The following NOBOX variants were observed in gnomAD, a reference collection of about 807,000 sequenced individuals.
The protein encoded by NOBOX is homeobox protein NOBOX.
Under a neutral mutation model 60.2 loss-of-function variants are expected in NOBOX, and 46 were observed. The ratio of observed to expected loss-of-function variants is 0.76; its 90% CI spans 0.60 to 0.98. The LOEUF is 0.98. Ranked by LOEUF, NOBOX falls within the 50% of genes least tolerant of loss-of-function variation. The pLI, the probability that NOBOX is intolerant of heterozygous loss-of-function variation, is 0.00. For synonymous variants in NOBOX, 360 were observed against 346.3 expected, an observed-to-expected ratio of 1.04 and a Z score of -0.44; for missense variants, 880 against 865.5, an observed-to-expected ratio of 1.02 and a Z score of -0.21.
Position 144,404,694 on chromosome 7 carries a change from T to C in NOBOX, c.86-14A>G. 6.2e-7 allele frequency: 1 copy of C among 1,611,946 alleles called. No individual in the cohort carries two copies. Among genetic ancestry groups the C allele is most frequent in the East Asian group, 2.2e-5 (1 of 44,854 alleles). Reference sequence around the variant, plus strand: ...CCAGGGGCGGCCCTGCCAGGGACGGTGTGGTTACTGTGTTTCCATCCATTT... The same window carrying C: ...CCAGGGGCGGCCCTGCCAGGGACGGCGTGGTTACTGTGTTTCCATCCATTT... On this transcript the variant is annotated splice_polypyrimidine_tract_variant and intron_variant, in intron 1 of 9. Coordinates refer to ENST00000467773, the MANE Select transcript of NOBOX (RefSeq NM_001080413.3).
intron 7 of NOBOX, 85 bp from the exon 6 acceptor site, chr7:144,399,263 G>T: frequency 2.1e-6 from 2 of 938,252 alleles, no homozygotes; most frequent in Non-Finnish European, 3.3e-6. Context: ...CACAAGCCAT[G>T]CCCAGGTCCC....
At chr7:144,402,746 ACATT>A (rs1711683884) in intron 2 of NOBOX, among the ~76,000 whole-genome samples, 1 of 132,746 alleles carries the variant, frequency 7.5e-6, no homozygotes, top group African/African-American at 2.8e-5. Flanking sequence ...TTAAGGAATA[ACATT>A]TTTTTTTTTT....
At chr7:144,407,263 T>C (rs2053992039) in intron 1 of NOBOX, among the ~76,000 whole-genome samples, 1 of 152,198 alleles carries the variant, frequency 6.6e-6, no homozygotes, top group East Asian at 1.9e-4. Context: ...AGGCGGCTGA[T>C]TGAGAACATT....
rs1563126784 is a variant in NOBOX, at chr7:144,397,542, C to T, written c.1775-1G>A. ...CAGGGGTCACTCCAGGAGGCTGTACCTGTGGGGTCGGAGGGTGTAGGAATT... is the reference window on the plus strand; with the variant it reads ...CAGGGGTCACTCCAGGAGGCTGTACTTGTGGGGTCGGAGGGTGTAGGAATT... On this transcript the variant is annotated splice_acceptor_variant, in intron 9 of 9. Transcript: ENST00000467773. LOFTEE classifies it high-confidence loss of function. 6.6e-7 allele frequency: 1 copy of T among 1,518,342 alleles called. No homozygotes were observed. Among genetic ancestry groups the T allele is most frequent in the African/African-American group, 1.4e-5 (1 of 72,650 alleles). The allele number at this position is 1,518,342 out of a possible 1,614,324, so 94.1% of individuals were successfully genotyped here.
In NOBOX at chr7:144,398,376, CATAAAG is replaced by C; in HGVS notation, c.1674_1679del (p.Met560_Phe561del). ...TGCCCCCGCTGGGGCCACAGGGAAA[CATAAAG>C]AGAGAGTCTTCGGGCGGTGGAAGCG... On this transcript the variant is annotated inframe_deletion, in exon 9 of 10. Coordinates refer to ENST00000467773, the MANE Select transcript of NOBOX (RefSeq NM_001080413.3). The C allele has an allele frequency of 1.3e-6, 2 of 1,537,228 alleles. No individual in the cohort carries two copies. Among genetic ancestry groups the C allele is most frequent in the Non-Finnish European group, 1.7e-6 (2 of 1,146,922 alleles).
At chr7:144,397,108 AC>A, downstream of NOBOX, 1 of 740,294 alleles carries the variant, frequency 1.4e-6, no homozygotes, top group Admixed American at 3.0e-5. Context: ...ACGAGCCTAC[AC>A]AGGGGAAACG....
Position 144,401,281 on chromosome 7 carries a change from G to T in NOBOX, c.609C>A (p.Pro203=). 2 of 1,613,218 alleles carry T rather than the reference G, an allele frequency of 1.2e-6. No homozygotes were observed. Among genetic ancestry groups the T allele is most frequent in the Non-Finnish European group, 1.7e-6 (2 of 1,179,560 alleles). ...TGGCATTAGGCTTTTTCTGCTTCCC[G>T]GGGGCTGGAGAATAGGACCTCTTTC... Residue 203 remains proline (P), a synonymous_variant, in exon 4 of 10, where the codon CCC becomes CCA. Coordinates refer to ENST00000467773, the MANE Select transcript of NOBOX (RefSeq NM_001080413.3). The surrounding 1 kb of genome is among the most constrained non-coding windows in gnomAD (Gnocchi z 4.2).
intron 5 of NOBOX, 122 bp downstream of exon 3, chr7:144,400,084 G>A (rs762394586): frequency 3.0e-5 from 48 of 1,603,434 alleles, no homozygotes; most frequent in East Asian, 6.7e-5. Context: ...ACACAGCCAC[G>A]TCTGAGGCCT....
intron 8 of NOBOX, 33 bp from the exon 7 acceptor site, chr7:144,398,619 A>C: frequency 6.8e-7 from 1 of 1,468,002 alleles, no homozygotes; most frequent in Non-Finnish European, 9.2e-7. Context: ...GGTGAGGTGC[A>C]GGGGTGGGGG....
At position 144,401,593 on chromosome 7, in the gene NOBOX, C is replaced by A; in HGVS notation, c.297G>T (p.Gln99His). The change falls in exon 4 of 10, where the codon CAG (glutamine) becomes CAT (histidine). Residue 99 changes from glutamine to histidine, a missense_variant. Physicochemically the swap from Gln to His is conservative, Grantham distance 24 (BLOSUM62 0). Coordinates refer to ENST00000467773, the MANE Select transcript of NOBOX (RefSeq NM_001080413.3). This position sits in a 1 kb window ranked among gnomAD's most constrained non-coding sequence, Gnocchi z 4.2. ...CAGCCAGGGGCTTCTCTCCAGCTTT[C>A]TGGCCTGTGGGGAGCCAACATCCAC... 1 of 1,504,258 alleles carries A rather than the reference C, an allele frequency of 6.6e-7. No homozygotes were observed. Among genetic ancestry groups the A allele is most frequent in the Non-Finnish European group, 8.8e-7 (1 of 1,134,474 alleles). 93.2% of individuals were successfully genotyped at this position (1,504,258 alleles called of 1,614,324 possible).
At chr7:144,402,791 C>T (rs568225981) in intron 2 of NOBOX, among the ~76,000 whole-genome samples, 11 of 127,616 alleles carry the variant, frequency 8.6e-5, no homozygotes, top group Admixed American at 1.9e-4. Context: ...GAGTCTCGCT[C>T]CGTCGCCCAG....
At position 144,400,304 on chromosome 7, in the gene NOBOX, C is replaced by G. The variant is rs555962521; in HGVS notation, c.853G>C (p.Glu285Gln). ...TCTTGGAATATCTTCTCTAGCTCCT[C>G]CAGCTGATCTGAAAGAAGAAGAAAC... The change falls in exon 5 of 10, where the codon GAG (glutamate) becomes CAG (glutamine). Residue 285 changes from glutamate (E) to glutamine (Q), a missense_variant. Glu to Gln is a conservative substitution (Grantham distance 29). Coordinates refer to ENST00000467773, the MANE Select transcript of NOBOX (RefSeq NM_001080413.3). 2.5e-6 allele frequency: 4 copies of G among 1,613,868 alleles called. No homozygotes were observed. The South Asian group carries it at 4.4e-5, about 18-fold the overall frequency.
At position 144,397,682 on chromosome 7, in the gene NOBOX, C is replaced by T. The variant is rs1304332907; in HGVS notation, c.1775-141G>A. On this transcript the variant is annotated intron_variant, in intron 9 of 9. Coordinates refer to ENST00000467773, the MANE Select transcript of NOBOX (RefSeq NM_001080413.3). The stretch of plus-strand genomic sequence containing the variant: ...CCTCAGTGTAAGTCTGGGTCAAACT[C>T]TAGCCTCAGGGTCTGTCCTTAGGAC... 6.9e-6 allele frequency: 5 copies of T among 726,834 alleles called. No individual in the cohort carries two copies. The African/African-American group carries it at 7.1e-5, about 10-fold the overall frequency. The allele number at this position is 726,834 out of a possible 1,614,324, so 45.0% of individuals were successfully genotyped here.
In NOBOX at chr7:144,404,585, T is replaced by G; in HGVS notation, c.181A>C (p.Ser61Arg). 1 of 1,613,702 alleles carries G rather than the reference T, an allele frequency of 6.2e-7. No homozygotes were observed. The highest frequency in any genetic ancestry group is 8.5e-7 in the Non-Finnish European group (1 of 1,179,866). The change falls in exon 2 of 10, where the codon AGC becomes CGC. Residue 61 changes from serine (S) to arginine (R), a missense_variant. Transcript: ENST00000467773. The stretch of plus-strand genomic sequence containing the variant: ...TTGAGGGTCTCCAGAGCACAAAGGC[T>G]GCACCGGATGATGAAGAAGGAGCTG...
At chr7:144,403,235 C>T (rs778578929) in intron 2 of NOBOX, among the ~76,000 whole-genome samples, 82 of 152,230 alleles carry the variant, frequency 5.4e-4, no homozygotes, top group Non-Finnish European at 2.4e-4. Flanking sequence ...TGTGGGGAAG[C>T]AGGGACAAAT....
At chr7:144,397,167 C>T (rs776223618), downstream of NOBOX, 99 of 1,351,780 alleles carry the variant, frequency 7.3e-5, no homozygotes, top group Non-Finnish European at 9.0e-5. Context: ...TCCCAAACCC[C>T]CAACCCCTGT....
In NOBOX at chr7:144,398,363, G is replaced by T; in HGVS notation, c.1693C>A (p.Pro565Thr). ...TAGCCCTGCGATGTGCCCCCGCTGG[G>T]GCCACAGGGAAACATAAAGAGAGAG... Residue 565 changes from proline (P) to threonine (T), a missense_variant, in exon 9 of 10, where the codon CCC becomes ACC. Physicochemically the swap from Pro to Thr is conservative, Grantham distance 38. Transcript: ENST00000467773. 2 of 1,537,248 alleles carry T rather than the reference G, an allele frequency of 1.3e-6. No individual in the cohort carries two copies. The highest frequency in any genetic ancestry group is 1.7e-6 in the Non-Finnish European group (2 of 1,146,902).
intron 2 of NOBOX, chr7:144,404,436 A>G (rs2053969522): frequency 1.2e-6 from 1 of 814,696 alleles, no homozygotes; most frequent in East Asian, 2.7e-5. Flanking sequence ...TTTAGTAGAG[A>G]CGGGGTTTCA....
rs1338860436 is a variant in NOBOX, at chr7:144,404,614, G to A, written c.152C>T (p.Ser51Phe). Residue 51 changes from serine to phenylalanine, a missense_variant, in exon 2 of 10, where the codon TCT (serine) becomes TTT (phenylalanine). Transcript: ENST00000467773. ...CCGGATGATGAAGAAGGAGCTGAAAGAGCCACAGACTCCGTAGATCCGGTA... is the reference window on the plus strand; with the variant it reads ...CCGGATGATGAAGAAGGAGCTGAAAAAGCCACAGACTCCGTAGATCCGGTA... 6 of 1,613,892 alleles carry A rather than the reference G, an allele frequency of 3.7e-6. No individual in the cohort carries two copies. In the Admixed American group the frequency reaches 6.7e-5, roughly 18 times the overall value.
Sources: gnomAD v4.1 joint callset for allele counts (sites outside exome capture counted in the v4.1 genomes callset) on GRCh38, gnomAD v4.1.1 for gene constraint, Gnocchi (gnomAD v3.1) non-coding constraint, MANE v1.5 for transcripts, NCBI Gene and HGNC (gene_info 2026-07-23, HGNC 2026-07-21) for gene names.